The following BIVM variants were observed in gnomAD, a reference collection of about 807,000 sequenced individuals.
BIVM encodes basic immunoglobulin-like variable motif-containing protein.
BIVM carries 31 observed loss-of-function variants against 61.4 expected under a neutral mutation model. The ratio of observed to expected loss-of-function variants is 0.51; its 90% confidence interval spans 0.38 to 0.68. The LOEUF is 0.68. BIVM is among the 30% of genes least tolerant of loss of function. The pLI, the probability that BIVM is intolerant of heterozygous loss-of-function variation, is 0.00. For synonymous variants in BIVM, 189 were observed against 210.7 expected (o/e 0.90, Z 0.89); for missense variants, 526 against 596.0 (o/e 0.88, Z 1.22).
rs763844307 is a variant in BIVM, at chr13:102,821,751, C to T, written c.710C>T (p.Pro237Leu). Residue 237 changes from proline (P) to leucine (L), a missense_variant, in exon 6 of 11, where the codon CCT becomes CTT. By Grantham distance (98) the Pro-to-Leu change is moderately conservative (BLOSUM62 -3). Coordinates refer to ENST00000257336, the MANE Select transcript of BIVM (RefSeq NM_017693.4). ...YSTMGAGNLP[P>L]ITQEEALHIL... ...GAATGTTTCTTTTGTAGCCTTCCAC[C>T]TATTACCCAAGAAGAAGCTTTACAT... The T allele has an allele frequency of 8.1e-6, 13 of 1,613,200 alleles. No individual in the cohort carries two copies. The highest frequency in any genetic ancestry group is 5.5e-5 in the South Asian group (5 of 90,756).
intron 4 of BIVM, among the ~76,000 whole-genome samples, chr13:102,817,627 C>T (rs898425084): frequency 6.6e-6 from 1 of 152,092 alleles, no homozygotes; most frequent in African/African-American, 2.4e-5. Flanking sequence ...ACAACCCAAA[C>T]CCATTGATGA....
At chr13:102,820,330 C>T (rs578016414) in intron 4 of BIVM, 30 of 130,682 alleles carry the variant, frequency 2.3e-4, no homozygotes, top group African/African-American at 5.9e-4. Context: ...CCAGCCTGGG[C>T]GACAGAGTGA....
intron 4 of BIVM, chr13:102,820,805 C>T: frequency 2.2e-6 from 1 of 453,482 alleles, no homozygotes; most frequent in Non-Finnish European, 3.8e-6. Context: ...GTTTGGATAA[C>T]ATCCACTTTA....
chr13:102,835,930 C>T (rs1016553117), intron 9 of BIVM, among the ~76,000 whole-genome samples: 3 of 152,230 alleles, frequency 2.0e-5, no homozygotes, highest in African/African-American at 7.2e-5. Context: ...TTTTCAATGT[C>T]ATCCATGTTT....
intron 2 of BIVM, among the ~76,000 whole-genome samples, chr13:102,806,819 A>G (rs887423770): frequency 4.6e-5 from 7 of 152,006 alleles, no homozygotes; most frequent in Non-Finnish European, 7.4e-5. Context: ...CTGAGGCAGG[A>G]GAATCACTTG....
intron 9 of BIVM, among the ~76,000 whole-genome samples, chr13:102,838,397 T>C (rs1318382239): frequency 6.6e-6 from 1 of 152,240 alleles, no homozygotes; most frequent in African/African-American, 2.4e-5. Flanking sequence ...AACATGTTGG[T>C]ATTTATTTAT....
At chr13:102,828,746 G>C (rs1436447741) in intron 7 of BIVM, among the ~76,000 whole-genome samples, 1 of 152,148 alleles carries the variant, frequency 6.6e-6, no homozygotes, top group East Asian at 1.9e-4. Flanking sequence ...GATGTCAGGG[G>C]AAGCTGGCAT....
At position 102,807,857 on chromosome 13, in the gene BIVM, C is replaced by T; in HGVS notation, c.478+112C>T. 1 of 1,145,402 alleles carries T rather than the reference C, an allele frequency of 8.7e-7. No homozygotes were observed. The highest frequency in any genetic ancestry group is 1.2e-6 in the Non-Finnish European group (1 of 829,892). The allele number at this position is 1,145,402 out of a possible 1,614,324, so 71.0% of individuals were successfully genotyped here. ...TCCTTGTATAATACTAGATAAGGAACATGGCTATCATCTTGTCTGTCAATG... is the reference window on the plus strand; with the variant it reads ...TCCTTGTATAATACTAGATAAGGAATATGGCTATCATCTTGTCTGTCAATG... On this transcript the variant is annotated intron_variant, in intron 3 of 10. Transcript: ENST00000257336. The surrounding 1 kb of genome is among the most constrained non-coding windows in gnomAD (Gnocchi z 4.0).
At chr13:102,822,255 G>A (rs1213351256) in intron 7 of BIVM, 96 bp downstream of exon 7, 2 of 1,183,750 alleles carry the variant, frequency 1.7e-6, no homozygotes, top group Non-Finnish European at 2.4e-6. Context: ...AAGACTGCCT[G>A]TTTAGCTTCC....
chr13:102,830,321 C>CA (rs1471259297), intron 7 of BIVM, among the ~76,000 whole-genome samples: 2 of 152,152 alleles, frequency 1.3e-5, no homozygotes, highest in African/African-American at 4.8e-5. Flanking sequence ...TTTCAGTGGC[C>CA]AGAAAGTCGA....
intron 3 of BIVM, among the ~76,000 whole-genome samples, chr13:102,815,208 T>C (rs1475696855): frequency 1.3e-5 from 2 of 152,210 alleles, no homozygotes; most frequent in African/African-American, 4.8e-5. Flanking sequence ...GGTTTCTCTG[T>C]ATAGTATCTT....
At chr13:102,833,326 G>GATTTTTT (rs1566455831) in intron 8 of BIVM, among the ~76,000 whole-genome samples, 1 of 26,886 alleles carries the variant, frequency 3.7e-5, no homozygotes, top group Non-Finnish European at 1.7e-4. Flanking sequence ...GGATAGGATG[G>GATTTTTT]GTTTTTTTTT....
chr13:102,822,232 A>G, intron 7 of BIVM, 73 bp downstream of exon 7: 1 of 1,431,976 alleles, frequency 7.0e-7, no homozygotes, highest in East Asian at 2.3e-5. Flanking sequence ...CACACGGTTT[A>G]GAGTTCGTCT....
chr13:102,828,452 T>A (rs1229233650), intron 7 of BIVM, among the ~76,000 whole-genome samples: 1 of 152,224 alleles, frequency 6.6e-6, no homozygotes, highest in Non-Finnish European at 1.5e-5. Context: ...CATTCCTGTA[T>A]AACTCACACA....
chr13:102,839,741 G>A lies in BIVM; in HGVS notation c.1388G>A (p.Gly463Glu). ...GACAATATTTCCAAGAAGCAGCATG[G>A]GCGTCTGGGCCGGTCTTTCAGTGCT... The part of the protein sequence containing the change: ...SEDNISKKQH[G>E]RLGRSFSASF... Residue 463 changes from glycine (G) to glutamate (E), a missense_variant, in exon 11 of 11, where the codon GGG becomes GAG. By Grantham distance (98) the Gly-to-Glu change is moderately conservative. Around this residue, in one of 3 missense-constraint regions of BIVM, gnomAD observed 210 missense variants for 233.1 expected, o/e 0.90. Coordinates refer to ENST00000257336, the MANE Select transcript of BIVM (RefSeq NM_017693.4). 6.2e-7 allele frequency: 1 copy of A among 1,614,154 alleles called. No homozygotes were observed. The highest frequency in any genetic ancestry group is 8.5e-7 in the Non-Finnish European group (1 of 1,180,038).
At chr13:102,827,391 G>C (rs1837128602) in intron 7 of BIVM, among the ~76,000 whole-genome samples, 1 of 151,616 alleles carries the variant, frequency 6.6e-6, no homozygotes, top group South Asian at 2.1e-4. Flanking sequence ...TTTGTTAGGG[G>C]GTTGAGGTGC....
intron 1 of BIVM, chr13:102,801,358 C>G (rs1167283446): frequency 6.6e-6 from 1 of 151,942 alleles, no homozygotes; most frequent in South Asian, 2.1e-4. Flanking sequence ...AGCCTTGCCT[C>G]CTGAGTAGCT....
At chr13:102,816,285 T>G in intron 3 of BIVM, 143 bp from the exon 4 acceptor site, 1 of 737,378 alleles carries the variant, frequency 1.4e-6, no homozygotes, top group South Asian at 2.8e-5. Context: ...TGGCAGTTAT[T>G]TATTTGTTAT....
chr13:102,840,008 T>C lies in BIVM; in HGVS notation c.*143T>C. 1 of 842,380 alleles carries C rather than the reference T, an allele frequency of 1.2e-6. No homozygotes were observed. Among genetic ancestry groups the C allele is most frequent in the Non-Finnish European group, 1.8e-6 (1 of 553,162 alleles). 52.2% of individuals were successfully genotyped at this position (842,380 alleles called of 1,614,324 possible). A position where few individuals can be genotyped will look rare whatever the true frequency, so the allele number is the denominator to read the frequency against. ...AAAAATAACCTTGTAGTTCTCCAGATACTAAGCTTGTATATGATTATGGTG... is the reference window on the plus strand; with the variant it reads ...AAAAATAACCTTGTAGTTCTCCAGACACTAAGCTTGTATATGATTATGGTG... On this transcript the variant is annotated 3_prime_UTR_variant, in exon 11 of 11. Transcript: ENST00000257336.
Sources: allele counts gnomAD v4.1 joint callset (sites outside exome capture counted in the v4.1 genomes callset), GRCh38; gene constraint gnomAD v4.1.1; regional missense constraint gnomAD v4.1.1; non-coding constraint Gnocchi (gnomAD v3.1); transcripts MANE v1.5; gene names NCBI Gene and HGNC (gene_info 2026-07-23, HGNC 2026-07-21).